The following MBNL2 variants were observed in gnomAD, a reference collection of about 807,000 sequenced individuals.
MBNL2 encodes the protein muscleblind like splicing regulator 2.
A neutral mutation model predicts 41.9 loss-of-function variants in MBNL2; 17 were observed. That is an observed-to-expected ratio of 0.41 (90% CI 0.28 to 0.61). The LOEUF (loss-of-function observed/expected upper bound fraction) is 0.61. MBNL2 is among the 20% of genes least tolerant of loss of function. MBNL2 has a pLI of 0.35. For missense variants in MBNL2, 336 were observed against 505.6 expected, an observed-to-expected ratio of 0.66 and a Z score of 3.22; for synonymous variants, 195 against 182.9, an observed-to-expected ratio of 1.07 and a Z score of -0.53.
chr13:97,204,072 C>G, the MBNL2 span, among the ~76,000 whole-genome samples: 68 of 152,314 alleles, frequency 4.5e-4, no homozygotes, highest in African/African-American at 1.6e-3. Context: ...GGCCAGTTCC[C>G]TCTCCTGATG....
chr13:97,329,672 CA>C (rs1386186220), intron 2 of MBNL2, among the ~76,000 whole-genome samples: 27 of 151,548 alleles, frequency 1.8e-4, no homozygotes, highest in East Asian at 5.9e-4. Context: ...AGCACACATA[CA>C]ACATACACAA....
the MBNL2 span, among the ~76,000 whole-genome samples, chr13:97,147,365 CCT>C: frequency 6.6e-6 from 1 of 152,176 alleles, no homozygotes; most frequent in Non-Finnish European, 1.5e-5. Flanking sequence ...GTTGTCCTTA[CCT>C]CTGTTTCCAT....
At chr13:97,269,324 G>A (rs2050453237) in intron 1 of MBNL2, among the ~76,000 whole-genome samples, 1 of 152,192 alleles carries the variant, frequency 6.6e-6, no homozygotes, top group African/African-American at 2.4e-5. Context: ...TTCTGGGAAA[G>A]GCTAAGGGTG....
chr13:97,294,375 A>G (rs950126888), intron 2 of MBNL2, among the ~76,000 whole-genome samples: 3 of 152,234 alleles, frequency 2.0e-5, no homozygotes, highest in African/African-American at 7.2e-5. Context: ...TGCAGAATTT[A>G]CAATTAAATA....
chr13:97,148,480 A>G, the MBNL2 span, among the ~76,000 whole-genome samples: 2 of 152,200 alleles, frequency 1.3e-5, no homozygotes, highest in Non-Finnish European at 2.9e-5. Context: ...TGATGTGTCA[A>G]TGTAGGTTCA....
At chr13:97,191,746 G>C in the MBNL2 span, among the ~76,000 whole-genome samples, 1 of 152,308 alleles carries the variant, frequency 6.6e-6, no homozygotes, top group South Asian at 2.1e-4. Context: ...GTAGACATCA[G>C]CTGTTTTCAG....
In MBNL2 at chr13:97,259,931, T is replaced by C. The variant is rs532665790; in HGVS notation, c.-604-15701T>C. Among the ~76,000 whole-genome samples the C allele has an allele frequency of 5.9e-5, 9 of 152,336 alleles. 1 individual carries two copies. The highest frequency in any genetic ancestry group is 5.9e-4 in the Admixed American group (9 of 15,300). Reference sequence around the variant, plus strand: ...ACTTGCTCACTCAGCAAATATCTATTCACTGCTCACTGTGTTCTAAAGTTA... The same window carrying C: ...ACTTGCTCACTCAGCAAATATCTATCCACTGCTCACTGTGTTCTAAAGTTA... On this transcript the variant is annotated intron_variant, in intron 1 of 8. Transcript: ENST00000679496.
At chr13:97,335,492 C>T (rs2060802744) in intron 3 of MBNL2, among the ~76,000 whole-genome samples, 1 of 151,996 alleles carries the variant, frequency 6.6e-6, no homozygotes, top group Non-Finnish European at 1.5e-5. Context: ...AGGGCCTGCC[C>T]AAAGGAGAGT....
At chr13:97,319,398 G>A (rs2059318533) in intron 2 of MBNL2, among the ~76,000 whole-genome samples, 1 of 152,144 alleles carries the variant, frequency 6.6e-6, no homozygotes, top group African/African-American at 2.4e-5. Flanking sequence ...ACTAAAGGCT[G>A]GGCCTGATGA....
At chr13:97,341,162 A>G (rs17268922) in intron 3 of MBNL2, among the ~76,000 whole-genome samples, 38,104 of 152,052 alleles carry the variant, frequency 0.25, 5,012 homozygotes, top group Non-Finnish European at 0.3. Flanking sequence ...ACATATGACA[A>G]TGCTCCCCAA....
chr13:97,345,337 GAGA>G (rs2153085293), intron 4 of MBNL2, among the ~76,000 whole-genome samples: 1 of 152,278 alleles, frequency 6.6e-6, no homozygotes, highest in South Asian at 2.1e-4. Context: ...TTTATGAGCA[GAGA>G]AGAATTATAT....
chr13:97,325,629 C>T (rs2059850066), intron 2 of MBNL2, among the ~76,000 whole-genome samples: 1 of 152,154 alleles, frequency 6.6e-6, no homozygotes, highest in African/African-American at 2.4e-5. Flanking sequence ...ACTTGGGAGG[C>T]TGACGTAGGA....
At chr13:97,179,596 T>G in the MBNL2 span, 1 of 152,344 alleles carries the variant, frequency 6.6e-6, no homozygotes. Context: ...ATTCCAGGCT[T>G]GCTTGCTTCC....
chr13:97,281,203 T>G (rs1366839080), intron 2 of MBNL2, among the ~76,000 whole-genome samples: 6 of 152,194 alleles, frequency 3.9e-5, no homozygotes, highest in African/African-American at 1.4e-4. Context: ...GCTGCTGGAT[T>G]TGATTGTACA....
chr13:97,275,980 T>C lies in MBNL2; in HGVS notation c.-256T>C, dbSNP rs926666874. 17 of 372,904 alleles carry C rather than the reference T, an allele frequency of 4.6e-5. No homozygotes were observed. In the Admixed American group the frequency reaches 5.1e-4, roughly 11 times the overall value. 23.1% of individuals were successfully genotyped at this position (372,904 alleles called of 1,614,324 possible). On this transcript the variant is annotated 5_prime_UTR_variant, in exon 2 of 9. Transcript: ENST00000679496. ...CAAAACAGTCAAGAGACTCGGACGTTGAAAGCCAGAGATGACACTGAGCAT... is the reference window on the plus strand; with the variant it reads ...CAAAACAGTCAAGAGACTCGGACGTCGAAAGCCAGAGATGACACTGAGCAT...
chr13:97,192,224 TC>T, the MBNL2 span, among the ~76,000 whole-genome samples: 1 of 152,204 alleles, frequency 6.6e-6, no homozygotes, highest in Non-Finnish European at 1.5e-5. Context: ...GAAAAAATCT[TC>T]ATTGTTCACG....
chr13:97,333,539 G>A (rs2060596563), intron 2 of MBNL2, among the ~76,000 whole-genome samples: 3 of 152,164 alleles, frequency 2.0e-5, no homozygotes, highest in Admixed American at 2.0e-4. Context: ...CTTTTGTGTA[G>A]CAAAGTAATC....
At chr13:97,239,807 C>T (rs973088011) in intron 1 of MBNL2, among the ~76,000 whole-genome samples, 1 of 152,210 alleles carries the variant, frequency 6.6e-6, no homozygotes, top group African/African-American at 2.4e-5. Context: ...AAATGTACAG[C>T]ACGTCTGACA....
intron 5 of MBNL2, among the ~76,000 whole-genome samples, chr13:97,352,045 T>TAAATAAATA (rs1347908909): frequency 6.7e-6 from 1 of 150,310 alleles, no homozygotes; most frequent in African/African-American, 2.5e-5. Flanking sequence ...TATAAATAAA[T>TAAATAAATA]AAATAAATAA....
Sources: gnomAD v4.1 joint callset for allele counts (sites outside exome capture counted in the v4.1 genomes callset) on GRCh38, gnomAD v4.1.1 for gene constraint, MANE v1.5 for transcripts, NCBI Gene and HGNC (gene_info 2026-07-23, HGNC 2026-07-21) for gene names.